The following EMC2 variants were observed in gnomAD, a reference collection of about 807,000 sequenced individuals.
EMC2 encodes ER membrane protein complex subunit 2.
Under a neutral mutation model 51.6 loss-of-function variants are expected in EMC2, and 37 were observed. The observed-to-expected ratio is 0.72, with a 90% CI of 0.55 to 0.94. EMC2 has a LOEUF of 0.94. EMC2 is among the 40% of genes least tolerant of loss of function. The pLI is 0.00. For synonymous variants in EMC2, 131 were observed against 112.4 expected (o/e 1.17, Z -1.04); for missense variants, 359 against 350.9 (o/e 1.02, Z -0.18).
chr8:108,466,487 C>T (rs1819470526), intron 5 of EMC2, among the ~76,000 whole-genome samples: 3 of 115,798 alleles, frequency 2.6e-5, no homozygotes, highest in Non-Finnish European at 4.9e-5. Context: ...GGATCTCGCT[C>T]TGTTGCCCAG....
Position 108,486,535 on chromosome 8 carries a change from A to G in EMC2, c.831A>G (p.Glu277=). The G allele has an allele frequency of 6.3e-7, 1 of 1,590,648 alleles. No homozygotes were observed. Among genetic ancestry groups the G allele is most frequent in the Non-Finnish European group, 8.5e-7 (1 of 1,170,748 alleles). The change falls in exon 11 of 11, where the codon GAA becomes GAG. Residue 277 remains glutamate (E), a synonymous_variant. Transcript: ENST00000220853. ...AYQFAGRSKK[E]TKYSLKAVED... is the part of the protein sequence containing the mutation. ...AGTTTGCAGGTCGAAGTAAGAAGGAAACCAAATATTCTCTTAAGGCTGTCG... is the reference window on the plus strand; with the variant it reads ...AGTTTGCAGGTCGAAGTAAGAAGGAGACCAAATATTCTCTTAAGGCTGTCG...
chr8:108,470,905 G>A (rs1416402174), intron 7 of EMC2: 1 of 151,784 alleles, frequency 6.6e-6, no homozygotes, highest in African/African-American at 2.4e-5. Flanking sequence ...ATTTAACCTT[G>A]TTCTCATACT....
In EMC2 at chr8:108,450,411, C is replaced by T. The variant is rs1361897690; in HGVS notation, c.155-17C>T. ...TAATATTAAATTCAGTTTTTTTCCCCCTTTATGTGTATCTAGTTTGGATCA... is the reference window on the plus strand; with the variant it reads ...TAATATTAAATTCAGTTTTTTTCCCTCTTTATGTGTATCTAGTTTGGATCA... On this transcript the variant is annotated splice_polypyrimidine_tract_variant and intron_variant, in intron 2 of 10. Coordinates refer to ENST00000220853, the MANE Select transcript of EMC2 (RefSeq NM_014673.5). 8 of 1,522,862 alleles carry T rather than the reference C, an allele frequency of 5.3e-6. No homozygotes were observed. Among genetic ancestry groups the T allele is most frequent in the Admixed American group, 1.7e-5 (1 of 59,018 alleles). The allele number at this position is 1,522,862 out of a possible 1,614,324, so 94.3% of individuals were successfully genotyped here.
Position 108,488,044 on chromosome 8 carries a change from T to C in EMC2, c.*1446T>C, listed in dbSNP as rs761950987. ...TAAAGAAAATAGTGCCTGCACGTTGTTTCACTACCTTTTCCCCTTCAAACC... is the reference window on the plus strand; with the variant it reads ...TAAAGAAAATAGTGCCTGCACGTTGCTTCACTACCTTTTCCCCTTCAAACC... On this transcript the variant is annotated 3_prime_UTR_variant, in exon 11 of 11. Coordinates refer to ENST00000220853, the MANE Select transcript of EMC2 (RefSeq NM_014673.5). Among the ~76,000 whole-genome samples the C allele has an allele frequency of 1.3e-5, 2 of 152,220 alleles. No individual in the cohort carries two copies. The highest frequency in any genetic ancestry group is 6.5e-5 in the Admixed American group (1 of 15,270).
At position 108,468,931 on chromosome 8, in the gene EMC2, T is replaced by C. The variant is rs116604177; in HGVS notation, c.364-895T>C. ...CACTATGCAGTTTCCATAAATAACTTCCTGTTTTGTTTTTTAATGTCTACT... is the reference window on the plus strand; with the variant it reads ...CACTATGCAGTTTCCATAAATAACTCCCTGTTTTGTTTTTTAATGTCTACT... On this transcript the variant is annotated intron_variant, in intron 5 of 10. Coordinates refer to ENST00000220853, the MANE Select transcript of EMC2 (RefSeq NM_014673.5). Among the ~76,000 whole-genome samples, 921 of 152,206 alleles carry C rather than the reference T, an allele frequency of 6.1e-3. 10 individuals carry two copies. The highest frequency in any genetic ancestry group is 0.021 in the African/African-American group (877 of 41,528).
At chr8:108,448,498 A>C (rs1818934003) in intron 1 of EMC2, among the ~76,000 whole-genome samples, 1 of 152,154 alleles carries the variant, frequency 6.6e-6, no homozygotes, top group African/African-American at 2.4e-5. Flanking sequence ...ATTATAGTGA[A>C]TGGGTCTCAC....
chr8:108,454,442 T>C (rs1300186448), intron 4 of EMC2, among the ~76,000 whole-genome samples: 1 of 152,072 alleles, frequency 6.6e-6, no homozygotes, highest in African/African-American at 2.4e-5. Context: ...AAGTCAACTT[T>C]CAAGTAACAC....
At chr8:108,484,817 CAG>C (rs1489753431) in intron 10 of EMC2, among the ~76,000 whole-genome samples, 1 of 151,800 alleles carries the variant, frequency 6.6e-6, no homozygotes, top group East Asian at 1.9e-4. Flanking sequence ...AACTGGATAA[CAG>C]AAGTAATAAG....
chr8:108,474,779 G>A (rs1165741487), intron 7 of EMC2: 2 of 151,908 alleles, frequency 1.3e-5, no homozygotes, highest in African/African-American at 4.8e-5. Flanking sequence ...AGGCTGTCTG[G>A]AGTGGCACAG....
In EMC2 at chr8:108,455,900, T is replaced by C. The variant is rs563135667; in HGVS notation, c.333T>C (p.Asp111=). ...ERYDDAIQLY[D]RILQEDPTNT... is the part of the protein sequence containing the mutation. The stretch of plus-strand genomic sequence containing the variant: ...ATGATGATGCTATACAGCTATATGA[T>C]AGGATTTTACAAGAAGATCCAACTA... Residue 111 remains aspartate (D), a synonymous_variant, in exon 5 of 11, where the codon GAT becomes GAC. Transcript: ENST00000220853. The C allele has an allele frequency of 1.5e-6, 2 of 1,366,366 alleles. No homozygotes were observed. The highest frequency in any genetic ancestry group is 1.4e-5 in the South Asian group (1 of 70,850). 84.6% of individuals were successfully genotyped at this position (1,366,366 alleles called of 1,614,324 possible).
intron 7 of EMC2, among the ~76,000 whole-genome samples, chr8:108,471,263 T>G (rs775686345): frequency 5.3e-5 from 8 of 151,958 alleles, no homozygotes; most frequent in Non-Finnish European, 7.4e-5. Flanking sequence ...ATACATGAAA[T>G]TGAATTTTTA....
At chr8:108,444,943 G>A (rs935887293) in intron 1 of EMC2, among the ~76,000 whole-genome samples, 1 of 152,150 alleles carries the variant, frequency 6.6e-6, no homozygotes, top group African/African-American at 2.4e-5. Context: ...AAGCTGAGTC[G>A]TAGATAAATG....
At chr8:108,445,039 G>A (rs1051751351) in intron 1 of EMC2, among the ~76,000 whole-genome samples, 1 of 152,038 alleles carries the variant, frequency 6.6e-6, no homozygotes, top group Non-Finnish European at 1.5e-5. Flanking sequence ...GTTCATTATA[G>A]GTTTCCTAGA....
At chr8:108,484,847 AGTCCT>A (rs1012561759) in intron 10 of EMC2, among the ~76,000 whole-genome samples, 2 of 152,046 alleles carry the variant, frequency 1.3e-5, no homozygotes, top group African/African-American at 4.8e-5. Flanking sequence ...CACAGCCTTT[AGTCCT>A]CAGGGGAAAT....
In EMC2 at chr8:108,466,875, G is replaced by A. The variant is rs117922459; in HGVS notation, c.364-2951G>A. On this transcript the variant is annotated intron_variant, in intron 5 of 10. Coordinates refer to ENST00000220853, the MANE Select transcript of EMC2 (RefSeq NM_014673.5). ...TCATTCAAAACCTAGGGTTTTGTGT[G>A]GCTTTTGGGAGATAAGCTGCTGGAC... 3.9e-5 allele frequency among the ~76,000 whole-genome samples: 6 copies of A among 152,152 alleles called. No homozygotes were observed. The East Asian group carries it at 1.2e-3, about 29-fold the overall frequency.
intron 5 of EMC2, among the ~76,000 whole-genome samples, chr8:108,460,895 G>A (rs1819303509): frequency 6.6e-6 from 1 of 152,086 alleles, no homozygotes; most frequent in Non-Finnish European, 1.5e-5. Flanking sequence ...CTTTCCTTCT[G>A]TAAACATGTA....
intron 5 of EMC2, among the ~76,000 whole-genome samples, chr8:108,466,378 A>G (rs539992296): frequency 2.9e-4 from 44 of 149,394 alleles, no homozygotes; most frequent in African/African-American, 9.8e-4. Context: ...ACTTGTTTTT[A>G]TTTTTAAAAA....
At chr8:108,455,492 G>A (rs1586178453) in intron 4 of EMC2, among the ~76,000 whole-genome samples, 1 of 152,196 alleles carries the variant, frequency 6.6e-6, no homozygotes, top group East Asian at 1.9e-4. Flanking sequence ...GAAAATACAT[G>A]TCATTGTTTA....
At chr8:108,447,367 C>G (rs1222041819) in intron 1 of EMC2, among the ~76,000 whole-genome samples, 1 of 152,112 alleles carries the variant, frequency 6.6e-6, no homozygotes, top group Admixed American at 6.6e-5. Flanking sequence ...GTTGCCTTTT[C>G]TTTTAGAATA....
Sources: allele counts gnomAD v4.1 joint callset (sites outside exome capture counted in the v4.1 genomes callset), GRCh38; gene constraint gnomAD v4.1.1; transcripts MANE v1.5; gene names NCBI Gene and HGNC (gene_info 2026-07-23, HGNC 2026-07-21).